PRPF18: variants seen among roughly 807,000 people sequenced by gnomAD.
PRPF18 encodes the protein pre-mRNA-splicing factor 18.
PRPF18 carries 38 observed loss-of-function variants against 46.5 expected under a neutral mutation model. The observed-to-expected ratio is 0.82, with a 90% confidence interval of 0.63 to 1.07. The LOEUF (loss-of-function observed/expected upper bound fraction) is 1.07, where lower values mean the gene tolerates loss of function less well. PRPF18 is among the 50% of genes least tolerant of loss of function. The probability of loss-of-function intolerance (pLI) is 0.00; values close to 1 mark genes in which losing one functional copy is unlikely to be tolerated. For missense variants in PRPF18, 263 were observed against 410.0 expected (o/e 0.64, Z 3.10); for synonymous variants, 152 against 146.7 (o/e 1.04, Z -0.26).
chr10:13,600,018 A>G (rs2080083716), intron 2 of PRPF18, among the ~76,000 whole-genome samples: 1 of 152,204 alleles, frequency 6.6e-6, no homozygotes, highest in African/African-American at 2.4e-5. Context: ...TATAGCAAGA[A>G]TGCTGATTCC....
intron 6 of PRPF18, among the ~76,000 whole-genome samples, chr10:13,613,496 A>G (rs538136260): frequency 6.6e-6 from 1 of 152,332 alleles, no homozygotes; most frequent in East Asian, 1.9e-4. Context: ...TTCTGAGGGA[A>G]GCAAATTATC....
chr10:13,608,251 A>G (rs1218092039), intron 4 of PRPF18, among the ~76,000 whole-genome samples: 1 of 152,354 alleles, frequency 6.6e-6, no homozygotes, highest in East Asian at 1.9e-4. Flanking sequence ...GATTGCAGTC[A>G]GATGAAGGCT....
chr10:13,597,624 C>T (rs748579351), intron 2 of PRPF18, 89 bp downstream of exon 2: 2 of 1,603,332 alleles, frequency 1.2e-6, no homozygotes, highest in Non-Finnish European at 1.7e-6. Flanking sequence ...GATCTCTGTT[C>T]AATTTATCAA....
downstream of PRPF18, among the ~76,000 whole-genome samples, chr10:13,634,221 A>C (rs116028451): frequency 3.3e-5 from 5 of 152,340 alleles, no homozygotes; most frequent in African/African-American, 1.2e-4. Flanking sequence ...ACTTTATACA[A>C]CTTGCTTAAA....
chr10:13,633,871 A>C (rs1244310109), downstream of PRPF18, among the ~76,000 whole-genome samples: 1 of 152,204 alleles, frequency 6.6e-6, no homozygotes, highest in Non-Finnish European at 1.5e-5. Context: ...AGCTGTCCAG[A>C]GCGCAAGAGC....
intron 9 of PRPF18, among the ~76,000 whole-genome samples, chr10:13,620,409 T>A (rs777325334): frequency 2.1e-4 from 32 of 152,370 alleles, no homozygotes; most frequent in African/African-American, 7.2e-4. Flanking sequence ...TTATTTCTTT[T>A]TAAATTGCGG....
chr10:13,597,522 G>C lies in PRPF18; in HGVS notation c.131G>C (p.Arg44Thr). ...AKKEEEAYFE[R>T]CGYKIQPKEE... is the part of the protein sequence containing the mutation. ...AAAGAAGAGGAAGCATATTTTGAAAGATGTGGCTACAAGGTATGAATGTCT... is the reference window on the plus strand; with the variant it reads ...AAAGAAGAGGAAGCATATTTTGAAACATGTGGCTACAAGGTATGAATGTCT... Residue 44 changes from arginine (R) to threonine (T), a missense_variant, in exon 2 of 10, where the codon AGA (arginine) becomes ACA (threonine). Arg to Thr is a moderately conservative substitution (Grantham distance 71). This residue lies in a region of PRPF18 where 71 missense variants were observed against 69.2 expected (regional missense o/e 1.03). Coordinates refer to ENST00000378572, the MANE Select transcript of PRPF18 (RefSeq NM_003675.4). 1 of 1,610,916 alleles carries C rather than the reference G, an allele frequency of 6.2e-7. No homozygotes were observed. Among genetic ancestry groups the C allele is most frequent in the Admixed American group, 1.7e-5 (1 of 59,748 alleles).
downstream of PRPF18, chr10:13,631,013 A>G (rs2134116719): frequency 6.6e-6 from 1 of 152,346 alleles, no homozygotes; most frequent in South Asian, 2.1e-4. Context: ...ATCATAGCAA[A>G]CTAAGTTCAA....
At chr10:13,654,626 G>A in the PRPF18 span, 1 of 670,616 alleles carries the variant, frequency 1.5e-6, no homozygotes, top group Admixed American at 2.6e-5. Context: ...ACCATTTCCA[G>A]GGATGCTGGG....
chr10:13,590,846 G>A (rs1447901395), intron 1 of PRPF18, among the ~76,000 whole-genome samples: 2 of 152,122 alleles, frequency 1.3e-5, no homozygotes, highest in Non-Finnish European at 2.9e-5. Flanking sequence ...AGCCTGATCT[G>A]TTAACCTGTA....
chr10:13,652,616 A>G, the PRPF18 span: 3 of 152,530 alleles, frequency 2.0e-5, no homozygotes, highest in Admixed American at 6.5e-5. Flanking sequence ...TTAATGATCT[A>G]AAGGACAAAG....
chr10:13,596,326 A>G (rs757305539), intron 1 of PRPF18, among the ~76,000 whole-genome samples: 1 of 152,248 alleles, frequency 6.6e-6, no homozygotes, highest in Non-Finnish European at 1.5e-5. Context: ...TTCCTGTAGT[A>G]TAACATAGGT....
chr10:13,613,691 C>G, intron 6 of PRPF18, 50 bp from the exon 7 acceptor site: 1 of 1,576,502 alleles, frequency 6.3e-7, no homozygotes, highest in Non-Finnish European at 8.6e-7. Context: ...TTTAGATGTA[C>G]TGAACCACTG....
intron 4 of PRPF18, among the ~76,000 whole-genome samples, chr10:13,609,622 A>G (rs1435861296): frequency 6.6e-6 from 1 of 152,198 alleles, no homozygotes; most frequent in Non-Finnish European, 1.5e-5. Context: ...TATTACACTG[A>G]TGTTTCTGAA....
At chr10:13,651,851 A>G in the PRPF18 span, 2 of 875,360 alleles carry the variant, frequency 2.3e-6, no homozygotes, top group South Asian at 1.3e-5. Context: ...AAAGCAACAC[A>G]TGTGGGACCA....
the PRPF18 span, chr10:13,651,456 C>G: frequency 6.1e-6 from 1 of 162,712 alleles, no homozygotes; most frequent in African/African-American, 2.4e-5. Context: ...TGGGGCCAGG[C>G]GCACAGATCA....
intron 1 of PRPF18, among the ~76,000 whole-genome samples, chr10:13,594,103 T>A (rs891405273): frequency 5.9e-5 from 9 of 152,226 alleles, no homozygotes; most frequent in Non-Finnish European, 1.3e-4. Flanking sequence ...TAGGACACAT[T>A]TATTGATAAT....
At chr10:13,639,263 T>C in the PRPF18 span, 1 of 152,232 alleles carries the variant, frequency 6.6e-6, no homozygotes, top group East Asian at 1.9e-4. Flanking sequence ...GTCATCAAGA[T>C]TCTGAATCAC....
intron 4 of PRPF18, 127 bp downstream of exon 4, chr10:13,605,871 A>T: frequency 7.7e-7 from 1 of 1,295,802 alleles, no homozygotes; most frequent in East Asian, 2.7e-5. Flanking sequence ...TGCTGAATGG[A>T]AGTTTTCATT....
Sources: gnomAD v4.1 joint callset for allele counts (sites outside exome capture counted in the v4.1 genomes callset) on GRCh38, gnomAD v4.1.1 for gene constraint, gnomAD v4.1.1 regional missense constraint, MANE v1.5 for transcripts, NCBI Gene and HGNC (gene_info 2026-07-23, HGNC 2026-07-21) for gene names.